PARVA: variants seen among roughly 807,000 people sequenced by gnomAD.
The protein encoded by PARVA is parvin alpha.
In PARVA, 25 loss-of-function variants were observed where a neutral mutation model predicts 52.6. The observed-to-expected ratio is 0.48, with a 90% CI of 0.35 to 0.66. The LOEUF is 0.66. Among genes scored for constraint, PARVA ranks in the 30% least tolerant of loss-of-function variants. The pLI is 0.01. For missense variants in PARVA, 373 were observed against 450.9 expected, an observed-to-expected ratio of 0.83 and a Z score of 1.56; for synonymous variants, 185 against 179.1, an observed-to-expected ratio of 1.03 and a Z score of -0.26.
chr11:12,451,256 G>C (rs1318842227), intron 1 of PARVA, among the ~76,000 whole-genome samples: 2 of 152,100 alleles, frequency 1.3e-5, no homozygotes, highest in Non-Finnish European at 2.9e-5. Context: ...GTTTCTCCTG[G>C]GGCTTGTCAA....
chr11:12,518,549 A>G (rs375394200), intron 12 of PARVA, 32 bp downstream of exon 12: 107 of 1,499,222 alleles, frequency 7.1e-5, no homozygotes, highest in Non-Finnish European at 9.5e-5. Context: ...TTGTGACAAC[A>G]GAGTGAGACC....
chr11:12,406,732 G>A (rs1413034592), intron 1 of PARVA, among the ~76,000 whole-genome samples: 11 of 140,390 alleles, frequency 7.8e-5, no homozygotes, highest in Admixed American at 1.5e-4. Context: ...ATGCAGTGGC[G>A]CAATCTCGGC....
chr11:12,473,826 C>T lies in PARVA; in HGVS notation c.218C>T (p.Thr73Met), dbSNP rs559971958. Residue 73 changes from threonine to methionine, a missense_variant, in exon 2 of 13, where the codon ACG (threonine) becomes ATG (methionine). Thr to Met is a moderately conservative substitution (Grantham distance 81). Coordinates refer to ENST00000334956, the MANE Select transcript of PARVA (RefSeq NM_018222.5). ...PIPFELDPED[T>M]MLEENEVRTM... ...CCCTTTGAGCTGGACCCCGAGGACACGATGCTGGGTAACTGTGCTCTTGTC... is the reference window on the plus strand; with the variant it reads ...CCCTTTGAGCTGGACCCCGAGGACATGATGCTGGGTAACTGTGCTCTTGTC... The T allele has an allele frequency of 2.5e-5, 39 of 1,569,220 alleles. No individual in the cohort carries two copies. The highest frequency in any genetic ancestry group is 7.4e-5 in the Admixed American group (4 of 54,034).
chr11:12,447,447 C>T (rs796720034), intron 1 of PARVA, among the ~76,000 whole-genome samples: 63 of 152,314 alleles, frequency 4.1e-4, no homozygotes, highest in African/African-American at 1.5e-3. Flanking sequence ...ACCAGAGCGC[C>T]TTGCCGAGCC....
At position 12,414,037 on chromosome 11, in the gene PARVA, C is replaced by G. The variant is rs549266577; in HGVS notation, c.136+36254C>G. On this transcript the variant is annotated intron_variant, in intron 1 of 12. Transcript: ENST00000334956. ...TGCCTTTGGCTGGGCCCCTGGGATT[C>G]CAGGGCCACACGGCAGCCGTGCGTG... is the stretch of plus-strand genomic sequence containing the variant. 3.3e-5 allele frequency among the ~76,000 whole-genome samples: 5 copies of G among 152,324 alleles called. No homozygotes were observed. The South Asian group carries it at 1.0e-3, about 32-fold the overall frequency.
chr11:12,442,822 A>G (rs1040535111), intron 1 of PARVA, among the ~76,000 whole-genome samples: 1 of 151,792 alleles, frequency 6.6e-6, no homozygotes, highest in Non-Finnish European at 1.5e-5. Flanking sequence ...ACAACGTGGG[A>G]TGCTATATAT....
At chr11:12,465,304 A>G (rs1183910178) in intron 1 of PARVA, among the ~76,000 whole-genome samples, 3 of 152,202 alleles carry the variant, frequency 2.0e-5, no homozygotes, top group African/African-American at 7.2e-5. Flanking sequence ...CCCTGCAGAG[A>G]GTCCCCACCA....
chr11:12,422,339 CT>C (rs1410476818), intron 1 of PARVA, among the ~76,000 whole-genome samples: 1 of 152,050 alleles, frequency 6.6e-6, no homozygotes, highest in Non-Finnish European at 1.5e-5. Context: ...TTGAGCATTT[CT>C]TCAAGATATA....
chr11:12,504,914 G>A (rs1283464793), intron 6 of PARVA, among the ~76,000 whole-genome samples: 1 of 152,108 alleles, frequency 6.6e-6, no homozygotes, highest in African/African-American at 2.4e-5. Flanking sequence ...GAATGTGTGT[G>A]TACATGTGCA....
intron 1 of PARVA, among the ~76,000 whole-genome samples, chr11:12,433,323 A>C (rs1447311265): frequency 6.6e-6 from 1 of 152,232 alleles, no homozygotes; most frequent in Non-Finnish European, 1.5e-5. Context: ...AAAATGTGTA[A>C]GCCCAAATAA....
intron 12 of PARVA, among the ~76,000 whole-genome samples, chr11:12,526,353 A>G (rs1941701316): frequency 6.6e-6 from 1 of 151,802 alleles, no homozygotes; most frequent in Admixed American, 6.6e-5. Flanking sequence ...ACCTTCCCCC[A>G]CCCCTTCTTT....
chr11:12,499,586 T>C (rs1485947607), intron 5 of PARVA, among the ~76,000 whole-genome samples: 1 of 152,196 alleles, frequency 6.6e-6, no homozygotes, highest in Non-Finnish European at 1.5e-5. Context: ...TTAATCTTTG[T>C]AATCTTCACT....
rs1208397696 is a variant in PARVA at position 12,527,981 on chromosome 11, C to A, written c.*56C>A. ...AGTTCTTGCTGTTGGCGTACTGGAC[C>A]CTCCTCCGAACTGCCTTACCCTGCT... On this transcript the variant is annotated 3_prime_UTR_variant, in exon 13 of 13. Coordinates refer to ENST00000334956, the MANE Select transcript of PARVA (RefSeq NM_018222.5). The A allele has an allele frequency of 1.6e-6, 2 of 1,270,492 alleles. No individual in the cohort carries two copies. Among genetic ancestry groups the A allele is most frequent in the African/African-American group, 1.5e-5 (1 of 68,164 alleles). 78.7% of individuals were successfully genotyped at this position (1,270,492 alleles called of 1,614,324 possible). A position where few individuals can be genotyped will look rare whatever the true frequency, so the allele number is the denominator to read the frequency against.
chr11:12,457,005 C>G (rs1435314487), intron 1 of PARVA, among the ~76,000 whole-genome samples: 1 of 152,186 alleles, frequency 6.6e-6, no homozygotes, highest in Non-Finnish European at 1.5e-5. Flanking sequence ...TTTCTTATGG[C>G]CTTTGCCACT....
chr11:12,522,293 T>C (rs1372503428), intron 12 of PARVA, among the ~76,000 whole-genome samples: 2 of 152,156 alleles, frequency 1.3e-5, no homozygotes, highest in Non-Finnish European at 2.9e-5. Flanking sequence ...CTAGTTACTG[T>C]AGCCTGAAGA....
intron 1 of PARVA, among the ~76,000 whole-genome samples, chr11:12,403,515 G>A (rs771918591): frequency 1.3e-4 from 20 of 152,220 alleles, no homozygotes; most frequent in Non-Finnish European, 2.1e-4. Flanking sequence ...GAAGGTAGCA[G>A]GTCAAATACT....
intron 10 of PARVA, among the ~76,000 whole-genome samples, chr11:12,516,413 A>T (rs2403634): frequency 2.5e-4 from 38 of 151,832 alleles, no homozygotes; most frequent in African/African-American, 8.7e-4. Flanking sequence ...GGAACCCCCT[A>T]CTCCTCCCAA....
rs117288766 is a variant in PARVA, at chr11:12,462,160, T to C, written c.137-11585T>C. On this transcript the variant is annotated intron_variant, in intron 1 of 12. Transcript: ENST00000334956. ...GTATTAAGAACAGAACTTGTTCCCT[T>C]AACAGAAAAAGCTATTGTAGGCAGA... Among the ~76,000 whole-genome samples the C allele has an allele frequency of 2.6e-5, 4 of 152,292 alleles. No individual in the cohort carries two copies. In the East Asian group the frequency reaches 7.7e-4, roughly 29 times the overall value.
chr11:12,446,382 C>A (rs1206622254), intron 1 of PARVA, among the ~76,000 whole-genome samples: 1 of 152,146 alleles, frequency 6.6e-6, no homozygotes, highest in Non-Finnish European at 1.5e-5. Flanking sequence ...GAGATACACC[C>A]ATACACTCAA....
Sources: allele counts gnomAD v4.1 joint callset (sites outside exome capture counted in the v4.1 genomes callset), GRCh38; gene constraint gnomAD v4.1.1; transcripts MANE v1.5; gene names NCBI Gene and HGNC (gene_info 2026-07-23, HGNC 2026-07-21).